The following MTHFD2L variants were observed in gnomAD, a reference collection of about 807,000 sequenced individuals.
The protein encoded by MTHFD2L is bifunctional methylenetetrahydrofolate dehydrogenase/cyclohydrolase 2, mitochondrial.
MTHFD2L carries 29 observed loss-of-function variants against 34.9 expected under a neutral mutation model. That is an observed-to-expected ratio of 0.83 (90% CI 0.62 to 1.13). MTHFD2L has a LOEUF of 1.13. Among genes scored for constraint, MTHFD2L ranks in the 50% most tolerant of loss-of-function variants. MTHFD2L has a pLI of 0.00. For synonymous variants in MTHFD2L, 167 were observed against 155.7 expected (o/e 1.07, Z -0.54); for missense variants, 481 against 446.5 (o/e 1.08, Z -0.70).
At chr4:74,158,107 A>G (rs1037569258), upstream of MTHFD2L, 18 of 1,530,752 alleles carry the variant, frequency 1.2e-5, no homozygotes, top group Non-Finnish European at 1.5e-5. Flanking sequence ...CGGGAGGTGG[A>G]GCCCCAGTCC....
At chr4:74,182,529 A>G (rs560266206) in intron 3 of MTHFD2L, among the ~76,000 whole-genome samples, 21 of 152,278 alleles carry the variant, frequency 1.4e-4, no homozygotes, top group Admixed American at 1.1e-3. Context: ...CAAACATACA[A>G]GGGCTGAGTT....
chr4:74,275,374 C>A (rs1264065917), intron 6 of MTHFD2L, among the ~76,000 whole-genome samples: 1 of 152,010 alleles, frequency 6.6e-6, no homozygotes, highest in Admixed American at 6.6e-5. Context: ...GGTTCCAAGT[C>A]TTTGTTATTG....
At chr4:74,202,173 A>G (rs1734556667) in intron 5 of MTHFD2L, among the ~76,000 whole-genome samples, 1 of 152,238 alleles carries the variant, frequency 6.6e-6, no homozygotes, top group African/African-American at 2.4e-5. Flanking sequence ...TTCAGTAAAG[A>G]TTAATTGACA....
chr4:74,184,577 G>A (rs529568834), intron 3 of MTHFD2L, among the ~76,000 whole-genome samples: 7 of 152,190 alleles, frequency 4.6e-5, no homozygotes, highest in Admixed American at 2.0e-4. Flanking sequence ...TTATAGCCAT[G>A]TTTCAAAACT....
chr4:74,200,856 G>A (rs1215792705), intron 4 of MTHFD2L, among the ~76,000 whole-genome samples: 1 of 150,842 alleles, frequency 6.6e-6, no homozygotes, highest in Non-Finnish European at 1.5e-5. Context: ...CATGAGCTTT[G>A]TGAAAAATGC....
intron 6 of MTHFD2L, among the ~76,000 whole-genome samples, chr4:74,260,028 T>A (rs1651823925): frequency 6.6e-6 from 1 of 152,154 alleles, no homozygotes; most frequent in African/African-American, 2.4e-5. Context: ...ATGATCATGC[T>A]CCACTACAGC....
intron 5 of MTHFD2L, among the ~76,000 whole-genome samples, chr4:74,222,963 G>C (rs1012924436): frequency 6.6e-6 from 1 of 152,008 alleles, no homozygotes; most frequent in Admixed American, 6.6e-5. Context: ...AGAGGAAAAA[G>C]AATGTTTATA....
At position 74,301,893 on chromosome 4, in the gene MTHFD2L, C is replaced by A. The variant is rs1750371894; in HGVS notation, c.*84C>A. On this transcript the variant is annotated 3_prime_UTR_variant, in exon 8 of 8. Coordinates refer to ENST00000325278, the MANE Select transcript of MTHFD2L (RefSeq NM_001144978.3). ...AAAACCTTTATATTTTACTACAAAG[C>A]TATTTATTTCTACATGGTATTTATT... 2 of 641,232 alleles carry A rather than the reference C, an allele frequency of 3.1e-6. No individual in the cohort carries two copies. The highest frequency in any genetic ancestry group is 5.0e-6 in the Non-Finnish European group (2 of 400,928). The allele number at this position is 641,232 out of a possible 1,614,324, so 39.7% of individuals were successfully genotyped here. A position where few individuals can be genotyped will look rare whatever the true frequency, so the allele number is the denominator to read the frequency against.
intron 1 of MTHFD2L, among the ~76,000 whole-genome samples, chr4:74,126,967 G>A (rs1406884031): frequency 1.3e-5 from 2 of 151,968 alleles, no homozygotes; most frequent in Non-Finnish European, 2.9e-5. Flanking sequence ...CCCCCATGTC[G>A]TTCTCCTGAT....
At position 74,158,172 on chromosome 4, in the gene MTHFD2L, C is replaced by A; in HGVS notation, c.34C>A (p.Arg12Ser). 6.5e-7 allele frequency: 1 copy of A among 1,528,702 alleles called. No individual in the cohort carries two copies. The highest frequency in any genetic ancestry group is 8.8e-7 in the Non-Finnish European group (1 of 1,138,946). 94.7% of individuals were successfully genotyped at this position (1,528,702 alleles called of 1,614,324 possible). The change falls in exon 1 of 8, where the codon CGC (arginine) becomes AGC (serine). Residue 12 changes from arginine (R) to serine (S), a missense_variant. Transcript: ENST00000325278. The part of the protein sequence containing the change: ...TVPVRGFSLL[R>S]GRLGRAPALG... ...GCCGGTCCGCGGCTTCTCGCTGCTC[C>A]GCGGCCGCCTTGGCCGAGCGCCGGC...
rs150093190 is a variant in MTHFD2L at position 74,255,028 on chromosome 4, G to A, written c.806-26397G>A. ...CAGGTGCCTGTAATCCCAGCTACTCGGGAGGCTGAGGCAGGAGAATCGCTT... is the reference window on the plus strand; with the variant it reads ...CAGGTGCCTGTAATCCCAGCTACTCAGGAGGCTGAGGCAGGAGAATCGCTT... On this transcript the variant is annotated intron_variant, in intron 6 of 7. Coordinates refer to ENST00000325278, the MANE Select transcript of MTHFD2L (RefSeq NM_001144978.3). Among the ~76,000 whole-genome samples, 7 of 150,998 alleles carry A rather than the reference G, an allele frequency of 4.6e-5. No homozygotes were observed. In the East Asian group the frequency reaches 1.2e-3, roughly 25 times the overall value.
At chr4:74,119,757 TG>T (rs750918475), upstream of MTHFD2L, among the ~76,000 whole-genome samples, 19 of 151,994 alleles carry the variant, frequency 1.3e-4, no homozygotes, top group Non-Finnish European at 2.6e-4. Context: ...CACTCCAGCC[TG>T]GGTGACAGAG....
intron 7 of MTHFD2L, among the ~76,000 whole-genome samples, chr4:74,287,616 G>T (rs183371630): frequency 6.6e-6 from 1 of 152,106 alleles, no homozygotes; most frequent in Non-Finnish European, 1.5e-5. Context: ...GTGTGGTGGT[G>T]CACTCCTGTA....
intron 3 of MTHFD2L, among the ~76,000 whole-genome samples, chr4:74,179,994 T>C (rs1296911207): frequency 6.6e-6 from 1 of 152,124 alleles, no homozygotes; most frequent in Non-Finnish European, 1.5e-5. Flanking sequence ...TTGAGAGTCT[T>C]TCCAGATCAT....
chr4:74,295,377 T>C (rs899139851), intron 7 of MTHFD2L, among the ~76,000 whole-genome samples: 1 of 152,170 alleles, frequency 6.6e-6, no homozygotes, highest in Non-Finnish European at 1.5e-5. Context: ...CTTGCAGCTT[T>C]TCTGCAGCTT....
intron 1 of MTHFD2L, among the ~76,000 whole-genome samples, chr4:74,140,873 A>G (rs1723238639): frequency 6.6e-6 from 1 of 152,160 alleles, no homozygotes. Flanking sequence ...CCACGATTCA[A>G]TTTTCTTTTC....
chr4:74,297,012 CTG>C (rs529382686), intron 7 of MTHFD2L, among the ~76,000 whole-genome samples: 5 of 152,032 alleles, frequency 3.3e-5, no homozygotes, highest in Non-Finnish European at 7.4e-5. Flanking sequence ...TCCAAAATGA[CTG>C]TTTTTAAATC....
rs1430311178 is a variant in MTHFD2L, at chr4:74,281,405, A to G, written c.806-20A>G. The G allele has an allele frequency of 2.5e-6, 4 of 1,608,370 alleles. No individual in the cohort carries two copies. The Admixed American group carries it at 5.1e-5, about 20-fold the overall frequency. ...ACACCTTTGTTATGCTGAAGGACAA[A>G]CAACTCTTTTTGTTTTCAGGTATTC... is the stretch of plus-strand genomic sequence containing the variant. On this transcript the variant is annotated intron_variant, in intron 6 of 7. Coordinates refer to ENST00000325278, the MANE Select transcript of MTHFD2L (RefSeq NM_001144978.3).
At chr4:74,130,401 G>A (rs1032189192) in intron 1 of MTHFD2L, among the ~76,000 whole-genome samples, 10 of 152,100 alleles carry the variant, frequency 6.6e-5, no homozygotes, top group Admixed American at 1.3e-4. Context: ...GATCATGTCC[G>A]CTTCATTCCT....
Sources: allele counts gnomAD v4.1 joint callset (sites outside exome capture counted in the v4.1 genomes callset), GRCh38; gene constraint gnomAD v4.1.1; transcripts MANE v1.5; gene names NCBI Gene and HGNC (gene_info 2026-07-23, HGNC 2026-07-21).